Variants in IL6R observed in about 807,000 individuals in gnomAD.
IL6R encodes interleukin-6 receptor subunit alpha.
Under a neutral mutation model 48.3 loss-of-function variants are expected in IL6R, and 38 were observed. The observed-to-expected ratio is 0.79, with a 90% CI of 0.61 to 1.03. The LOEUF (loss-of-function observed/expected upper bound fraction) is 1.03. Among genes scored for constraint, IL6R ranks in the 50% least tolerant of loss-of-function variants. The pLI is 0.00. For missense variants in IL6R, 534 were observed against 618.3 expected, an observed-to-expected ratio of 0.86 and a Z score of 1.45; for synonymous variants, 264 against 256.2, an observed-to-expected ratio of 1.03 and a Z score of -0.29.
intron 1 of IL6R, among the ~76,000 whole-genome samples, chr1:154,416,471 A>G (rs1688360206): frequency 6.6e-6 from 1 of 152,102 alleles, no homozygotes; most frequent in Non-Finnish European, 1.5e-5. Context: ...TTAATTAGGG[A>G]ACACTGATGT....
chr1:154,453,369 C>T (rs557728685), intron 8 of IL6R, among the ~76,000 whole-genome samples: 8 of 152,350 alleles, frequency 5.3e-5, no homozygotes, highest in South Asian at 2.1e-4. Flanking sequence ...GGGCTCTCTG[C>T]GCTGCCTGAC....
Position 154,434,552 on chromosome 1 carries a change from G to T in IL6R, c.492G>T (p.Pro164=). ...QNSPAEDFQE[P]CQYSQESQKF... is the part of the protein sequence containing the mutation. ...GTCCGGCCGAAGACTTCCAGGAGCC[G>T]TGCCAGTATTCCCAGGAGTCCCAGA... Residue 164 remains proline (P), a synonymous_variant, in exon 4 of 10, where the codon CCG becomes CCT. Transcript: ENST00000368485. 1 of 1,613,950 alleles carries T rather than the reference G, an allele frequency of 6.2e-7. No individual in the cohort carries two copies. The highest frequency in any genetic ancestry group is 8.5e-7 in the Non-Finnish European group (1 of 1,179,998).
Position 154,429,281 on chromosome 1 carries a change from T to C in IL6R, c.171T>C (p.Thr57=), listed in dbSNP as rs146168222. The part of the protein sequence containing the change: ...CPGVEPEDNA[T]VHWVLRKPAA... ...GGGTAGAGCCGGAAGACAATGCCACTGTTCACTGGGTGCTCAGGAAGCCGG... is the reference window on the plus strand; with the variant it reads ...GGGTAGAGCCGGAAGACAATGCCACCGTTCACTGGGTGCTCAGGAAGCCGG... The change falls in exon 2 of 10, where the codon ACT becomes ACC. Residue 57 remains threonine (T), a synonymous_variant. Coordinates refer to ENST00000368485, the MANE Select transcript of IL6R (RefSeq NM_000565.4). The C allele has an allele frequency of 2.5e-6, 4 of 1,614,022 alleles. No homozygotes were observed. Among genetic ancestry groups the C allele is most frequent in the Non-Finnish European group, 3.4e-6 (4 of 1,180,034 alleles).
At chr1:154,428,889 G>A (rs924713446) in intron 1 of IL6R, among the ~76,000 whole-genome samples, 5 of 152,152 alleles carry the variant, frequency 3.3e-5, no homozygotes, top group Admixed American at 3.3e-4. Context: ...AGGACAGAAG[G>A]GCCCTGCAGG....
At chr1:154,423,373 A>C (rs1434577885) in intron 1 of IL6R, among the ~76,000 whole-genome samples, 1 of 150,764 alleles carries the variant, frequency 6.6e-6, no homozygotes, top group Non-Finnish European at 1.5e-5. Context: ...CACCTCTAAC[A>C]CCATCATTTG....
intron 9 of IL6R, among the ~76,000 whole-genome samples, chr1:154,460,634 T>C (rs564117583): frequency 3.3e-5 from 5 of 152,304 alleles, no homozygotes; most frequent in African/African-American, 1.2e-4. Context: ...CTAACAAACA[T>C]ACAGAAAAGT....
rs1570962983 is a variant in IL6R at position 154,435,002 on chromosome 1, C to T, written c.653C>T (p.Pro218Leu). 6.2e-7 allele frequency: 1 copy of T among 1,613,938 alleles called. No homozygotes were observed. Among genetic ancestry groups the T allele is most frequent in the Non-Finnish European group, 8.5e-7 (1 of 1,179,970 alleles). ...FQGCGILQPD[P>L]PANITVTAVA... ...ACTTTTCCCACAGTGCAGCCTGATCCGCCTGCCAACATCACAGTCACTGCC... is the reference window on the plus strand; with the variant it reads ...ACTTTTCCCACAGTGCAGCCTGATCTGCCTGCCAACATCACAGTCACTGCC... Residue 218 changes from proline to leucine, a missense_variant, in exon 5 of 10, where the codon CCG (proline) becomes CTG (leucine). Transcript: ENST00000368485.
intron 9 of IL6R, among the ~76,000 whole-genome samples, chr1:154,456,510 A>G (rs909413934): frequency 6.6e-6 from 1 of 152,018 alleles, no homozygotes; most frequent in African/African-American, 2.4e-5. Context: ...CCCGGCCTCA[A>G]GATATATTTT....
rs562426683 is a variant in IL6R at position 154,409,634 on chromosome 1, C to G, written c.85+3920C>G. On this transcript the variant is annotated intron_variant, in intron 1 of 9. Transcript: ENST00000368485. The stretch of plus-strand genomic sequence containing the variant: ...AAGTGCTTAAATAAGTGTAGGTGAT[C>G]ATTCATTCACTCCAAAAATATATTT... Among the ~76,000 whole-genome samples the G allele has an allele frequency of 4.6e-5, 7 of 152,206 alleles. No individual in the cohort carries two copies. The East Asian group carries it at 1.4e-3, about 29-fold the overall frequency.
At position 154,434,554 on chromosome 1, in the gene IL6R, G is replaced by C. The variant is rs2149243778; in HGVS notation, c.494G>C (p.Cys165Ser). The C allele has an allele frequency of 6.2e-7, 1 of 1,613,972 alleles. No homozygotes were observed. The highest frequency in any genetic ancestry group is 1.7e-4 in the Middle Eastern group (1 of 6,012). ...CCGGCCGAAGACTTCCAGGAGCCGT[G>C]CCAGTATTCCCAGGAGTCCCAGAAG... is the stretch of plus-strand genomic sequence containing the variant. ...NSPAEDFQEP[C>S]QYSQESQKFS... The change falls in exon 4 of 10, where the codon TGC (cysteine) becomes TCC (serine). Residue 165 changes from cysteine (C) to serine (S), a missense_variant. By Grantham distance (112) the Cys-to-Ser change is moderately radical. Coordinates refer to ENST00000368485, the MANE Select transcript of IL6R (RefSeq NM_000565.4).
Position 154,465,474 on chromosome 1 carries a change from T to A in IL6R, c.*94T>A. 6.9e-7 allele frequency: 1 copy of A among 1,450,510 alleles called. No homozygotes were observed. The highest frequency in any genetic ancestry group is 9.6e-7 in the Non-Finnish European group (1 of 1,042,654). The allele number at this position is 1,450,510 out of a possible 1,614,324, so 89.9% of individuals were successfully genotyped here. On this transcript the variant is annotated 3_prime_UTR_variant, in exon 10 of 10. Coordinates refer to ENST00000368485, the MANE Select transcript of IL6R (RefSeq NM_000565.4). ...CTTCTCACTGCCATGCCAGCTTATC[T>A]CAGGGGTGTGCGGCCTTTGGCTTCA...
rs567404331 is a variant in IL6R at position 154,414,023 on chromosome 1, A to G, written c.85+8309A>G. 2.6e-5 allele frequency among the ~76,000 whole-genome samples: 4 copies of G among 151,960 alleles called. No homozygotes were observed. In the East Asian group the frequency reaches 7.7e-4, roughly 29 times the overall value. ...CAGGTGCACACCACCACACTTGACT[A>G]GCCTTTGTATTTTTTGTAGAGACGG... On this transcript the variant is annotated intron_variant, in intron 1 of 9. Transcript: ENST00000368485.
chr1:154,437,880 A>ATT (rs34722852), intron 6 of IL6R, among the ~76,000 whole-genome samples: 1 of 138,260 alleles, frequency 7.2e-6, no homozygotes, highest in Non-Finnish European at 1.5e-5. Flanking sequence ...CGCCCGGCTA[A>ATT]TTTTTTTTTT....
rs1017442268 is a variant in IL6R, at chr1:154,430,372, G to A, written c.335-111G>A. The A allele has an allele frequency of 5.1e-6, 7 of 1,373,524 alleles. No homozygotes were observed. The Admixed American group carries it at 7.1e-5, about 14-fold the overall frequency. 85.1% of individuals were successfully genotyped at this position (1,373,524 alleles called of 1,614,324 possible). On this transcript the variant is annotated intron_variant, in intron 2 of 9. Transcript: ENST00000368485. Reference sequence around the variant, plus strand: ...GGTCCTGACTAGCTCCAGGGCTGGGGCCGAGGGGCCCAGCCACGTGCTCCC... The same window carrying A: ...GGTCCTGACTAGCTCCAGGGCTGGGACCGAGGGGCCCAGCCACGTGCTCCC...
intron 2 of IL6R, 106 bp downstream of exon 2, chr1:154,429,550 G>A: frequency 7.2e-7 from 1 of 1,381,172 alleles, no homozygotes; most frequent in Non-Finnish European, 9.7e-7. Context: ...CATTTCCTTG[G>A]CGCAAGAATT....
chr1:154,407,187 G>T (rs756362779), intron 1 of IL6R, among the ~76,000 whole-genome samples: 5 of 152,214 alleles, frequency 3.3e-5, no homozygotes, highest in South Asian at 2.1e-4. Flanking sequence ...GCCCATGGTG[G>T]TGTTAGAGGG....
At chr1:154,458,727 C>T (rs1462817106) in intron 9 of IL6R, among the ~76,000 whole-genome samples, 1 of 152,056 alleles carries the variant, frequency 6.6e-6, no homozygotes, top group South Asian at 2.1e-4. Flanking sequence ...GTGGAGAAAC[C>T]CTGTCTCTAC....
At position 154,467,964 on chromosome 1, in the gene IL6R, A is replaced by T. The variant is rs1691633801; in HGVS notation, c.*2584A>T. On this transcript the variant is annotated 3_prime_UTR_variant, in exon 10 of 10. Coordinates refer to ENST00000368485, the MANE Select transcript of IL6R (RefSeq NM_000565.4). The stretch of plus-strand genomic sequence containing the variant: ...TACCAAAGCCGGGCAGAACCATGCT[A>T]GCGGAAGATGTGAAATCCAGATAGC... The T allele has an allele frequency of 6.6e-6, 1 of 152,252 alleles. No homozygotes were observed. The highest frequency in any genetic ancestry group is 2.1e-4 in the South Asian group (1 of 4,834). The allele number at this position is 152,252 out of a possible 1,614,324, so 9.4% of individuals were successfully genotyped here. A position where few individuals can be genotyped will look rare whatever the true frequency, so the allele number is the denominator to read the frequency against.
At chr1:154,415,530 C>A (rs1688291891) in intron 1 of IL6R, among the ~76,000 whole-genome samples, 1 of 152,152 alleles carries the variant, frequency 6.6e-6, no homozygotes, top group East Asian at 1.9e-4. Context: ...TGCAGGTCAC[C>A]CCTAATTAGC....
Sources: gnomAD v4.1 joint callset for allele counts (sites outside exome capture counted in the v4.1 genomes callset) on GRCh38, gnomAD v4.1.1 for gene constraint, MANE v1.5 for transcripts, NCBI Gene and HGNC (gene_info 2026-07-23, HGNC 2026-07-21) for gene names.